The following MEI1 variants were observed in gnomAD, a reference collection of about 807,000 sequenced individuals.
MEI1 encodes the protein meiotic double-stranded break formation protein 1, also known as meiosis inhibitor protein 1.
A neutral mutation model predicts 146.2 loss-of-function variants in MEI1; 103 were observed. The observed-to-expected ratio is 0.70, with a 90% confidence interval of 0.60 to 0.83. The LOEUF (loss-of-function observed/expected upper bound fraction) is 0.83, where lower values mean the gene tolerates loss of function less well. Among genes scored for constraint, MEI1 ranks in the 40% least tolerant of loss-of-function variants. MEI1 has a pLI of 0.00. For missense variants in MEI1, 1,529 were observed against 1,533.0 expected (o/e 1.00, Z 0.04); for synonymous variants, 652 against 628.2 (o/e 1.04, Z -0.57).
intron 6 of MEI1, among the ~76,000 whole-genome samples, chr22:41,720,763 A>ATTTATTT (rs1319407673): frequency 1.3e-5 from 2 of 148,842 alleles, no homozygotes; most frequent in South Asian, 2.1e-4. Context: ...TGCCCGGCTA[A>ATTTATTT]TTTATTTTTT....
chr22:41,778,938 G>C, intron 22 of MEI1, 126 bp downstream of exon 22: 1 of 687,746 alleles, frequency 1.5e-6, no homozygotes, highest in Non-Finnish European at 2.5e-6. Flanking sequence ...TAGTAGGTCA[G>C]TCTGTCCCTA....
At chr22:41,782,573 A>G (rs1360715756) in intron 24 of MEI1, among the ~76,000 whole-genome samples, 3 of 152,184 alleles carry the variant, frequency 2.0e-5, no homozygotes, top group Non-Finnish European at 2.9e-5. Flanking sequence ...CCTCTGTGGT[A>G]TCCTCACACT....
intron 18 of MEI1, among the ~76,000 whole-genome samples, chr22:41,759,015 C>T (rs1196466092): frequency 6.6e-6 from 1 of 151,854 alleles, no homozygotes; most frequent in Non-Finnish European, 1.5e-5. Flanking sequence ...TGGTGTTGCA[C>T]ACCTGTAATC....
chr22:41,760,930 C>T (rs916038260), intron 18 of MEI1, among the ~76,000 whole-genome samples: 13 of 151,360 alleles, frequency 8.6e-5, no homozygotes, highest in African/African-American at 2.0e-4. Context: ...GGCCTGGCGC[C>T]GGGCTGCCTG....
intron 3 of MEI1, chr22:41,709,487 T>A: frequency 1.6e-6 from 1 of 641,238 alleles, no homozygotes; most frequent in Non-Finnish European, 2.9e-6. Flanking sequence ...GTCTTGGGCA[T>A]GGTGGCAGCA....
chr22:41,729,638 G>T, intron 7 of MEI1, 27 bp from the exon 8 acceptor site: 4 of 1,475,236 alleles, frequency 2.7e-6, no homozygotes, highest in South Asian at 2.4e-5. Context: ...GTGTGACTGG[G>T]GTACTTTTTG....
chr22:41,768,239 GGGCGTGGC>G (rs2074972434), intron 19 of MEI1, among the ~76,000 whole-genome samples: 1 of 152,038 alleles, frequency 6.6e-6, no homozygotes, highest in Non-Finnish European at 1.5e-5. Context: ...AAAATTAGCT[GGGCGTGGC>G]GGCATGCGCC....
At chr22:41,758,219 G>A (rs1433718769) in intron 17 of MEI1, 146 bp from the exon 18 acceptor site, 6 of 627,610 alleles carry the variant, frequency 9.6e-6, no homozygotes, top group Non-Finnish European at 1.3e-5. Context: ...CAAAGGAAGA[G>A]GAGCCTCTGA....
chr22:41,742,692 C>T (rs1336426730), intron 11 of MEI1, among the ~76,000 whole-genome samples: 5 of 152,152 alleles, frequency 3.3e-5, no homozygotes, highest in African/African-American at 1.2e-4. Context: ...TGTTCTGTCA[C>T]CCAGGCTGGA....
chr22:41,776,319 T>G, intron 21 of MEI1, 52 bp downstream of exon 21: 5 of 1,589,424 alleles, frequency 3.1e-6, no homozygotes, highest in Non-Finnish European at 4.3e-6. Context: ...CAGTCGAGAA[T>G]GGGCATCTCT....
At chr22:41,716,355 CTTTTTTT>C (rs6147630) in intron 5 of MEI1, among the ~76,000 whole-genome samples, 78 of 118,422 alleles carry the variant, frequency 6.6e-4, no homozygotes, top group African/African-American at 2.4e-3. Flanking sequence ...TCCATTCATT[CTTTTTTT>C]TTTTTTTTTT....
In MEI1 at chr22:41,729,667, TCTC is replaced by T. The variant is rs765442355; in HGVS notation, c.871_873del (p.Leu291del). On this transcript the variant is annotated inframe_deletion, in exon 8 of 31. Transcript: ENST00000401548. ...CTTTTTGCTGCCTGTTTCTCCAGCT[TCTC>T]CTCTCTAGAGATGAAACCCTGCAGG... 1.1e-5 allele frequency: 17 copies of T among 1,606,336 alleles called. No individual in the cohort carries two copies. Among genetic ancestry groups the T allele is most frequent in the Non-Finnish European group, 1.1e-5 (13 of 1,175,692 alleles).
intron 20 of MEI1, among the ~76,000 whole-genome samples, chr22:41,773,981 G>A (rs1201158319): frequency 6.6e-6 from 1 of 152,212 alleles, no homozygotes; most frequent in African/African-American, 2.4e-5. Context: ...GAAGGAAAAA[G>A]AGTCTAAAAA....
intron 17 of MEI1, among the ~76,000 whole-genome samples, chr22:41,754,534 A>G (rs1275209735): frequency 1.3e-5 from 2 of 152,006 alleles, no homozygotes; most frequent in African/African-American, 2.4e-5. Flanking sequence ...TCCAGGTTCA[A>G]GTGAGTCTCC....
intron 2 of MEI1, 29 bp downstream of exon 2, chr22:41,703,483 G>T (rs897745325): frequency 5.2e-6 from 8 of 1,533,192 alleles, no homozygotes; most frequent in Non-Finnish European, 7.0e-6. Context: ...TTTGACATGA[G>T]TTTTGAATGT....
At position 41,797,871 on chromosome 22, in the gene MEI1, C is replaced by T. The variant is rs557827417; in HGVS notation, c.3780-1383C>T. Reference sequence around the variant, plus strand: ...ATATGTAAAGCACCAAAAACAGCTCCTGGCTTGGTGTGAATGTTATATTGG... The same window carrying T: ...ATATGTAAAGCACCAAAAACAGCTCTTGGCTTGGTGTGAATGTTATATTGG... On this transcript the variant is annotated intron_variant, in intron 30 of 30. Coordinates refer to ENST00000401548, the MANE Select transcript of MEI1 (RefSeq NM_152513.4). Among the ~76,000 whole-genome samples the T allele has an allele frequency of 3.3e-5, 5 of 152,236 alleles. No individual in the cohort carries two copies. In the South Asian group the frequency reaches 1.0e-3, roughly 32 times the overall value.
intron 11 of MEI1, among the ~76,000 whole-genome samples, chr22:41,740,759 C>G (rs527977120): frequency 6.6e-6 from 1 of 152,126 alleles, no homozygotes; most frequent in South Asian, 2.1e-4. Flanking sequence ...AAAACAAACC[C>G]AAGAATTTAA....
intron 12 of MEI1, among the ~76,000 whole-genome samples, chr22:41,744,355 G>T (rs1284033747): frequency 2.0e-5 from 3 of 151,926 alleles, no homozygotes; most frequent in Non-Finnish European, 4.4e-5. Context: ...TGTATTTTTA[G>T]TAGAGACGGG....
Position 41,793,824 on chromosome 22 carries a change from TGCAGAAGGAC to T in MEI1, c.3346-4_3351del. 6.4e-7 allele frequency: 1 copy of T among 1,567,548 alleles called. No individual in the cohort carries two copies. Among genetic ancestry groups the T allele is most frequent in the Non-Finnish European group, 8.6e-7 (1 of 1,164,252 alleles). ...TGACCTGATTTTTTTTTTTTTTTTCTGCAGAAGGACCCTCTATTGTCCCAGGCCTGTGTTG... is the reference window on the plus strand; with the variant it reads ...TGACCTGATTTTTTTTTTTTTTTTCTCCTCTATTGTCCCAGGCCTGTGTTG... On this transcript the variant is annotated splice_acceptor_variant and splice_polypyrimidine_tract_variant and coding_sequence_variant and intron_variant, in exon 27 of 31. Transcript: ENST00000401548. LOFTEE classifies it high-confidence loss of function.
Sources: allele counts gnomAD v4.1 joint callset (sites outside exome capture counted in the v4.1 genomes callset), GRCh38; gene constraint gnomAD v4.1.1; transcripts MANE v1.5; gene names NCBI Gene and HGNC (gene_info 2026-07-23, HGNC 2026-07-21).